CPNE4: variants seen among roughly 807,000 people sequenced by gnomAD.
CPNE4 encodes the protein copine-4.
Under a neutral mutation model 67.9 loss-of-function variants are expected in CPNE4, and 25 were observed. The observed-to-expected ratio is 0.37, with a 90% CI of 0.27 to 0.51. The LOEUF (loss-of-function observed/expected upper bound fraction) is 0.51, where lower values mean the gene tolerates loss of function less well. Ranked by LOEUF, CPNE4 falls within the 20% of genes least tolerant of loss-of-function variation. The probability of loss-of-function intolerance (pLI) is 0.93; values close to 1 mark genes in which losing one functional copy is unlikely to be tolerated. For missense variants in CPNE4, 464 were observed against 690.8 expected (o/e 0.67, Z 3.68); for synonymous variants, 242 against 244.9 (o/e 0.99, Z 0.11).
chr3:131,817,520 G>T (rs1231154176), intron 2 of CPNE4, among the ~76,000 whole-genome samples: 2 of 152,216 alleles, frequency 1.3e-5, no homozygotes, highest in Non-Finnish European at 1.5e-5. Context: ...GACAGCCATT[G>T]GAGGGCTTTG....
At chr3:131,852,093 G>A (rs1342880830) in intron 2 of CPNE4, among the ~76,000 whole-genome samples, 2 of 151,938 alleles carry the variant, frequency 1.3e-5, no homozygotes, top group African/African-American at 2.4e-5. Context: ...GAGAACAAAT[G>A]CATATACATT....
At chr3:131,908,680 G>A (rs1323871570) in intron 1 of CPNE4, among the ~76,000 whole-genome samples, 1 of 151,960 alleles carries the variant, frequency 6.6e-6, no homozygotes, top group Non-Finnish European at 1.5e-5. Flanking sequence ...CATACATATT[G>A]TACATAAAAT....
At chr3:131,904,470 C>T (rs748859592) in intron 2 of CPNE4, among the ~76,000 whole-genome samples, 6 of 152,090 alleles carry the variant, frequency 3.9e-5, no homozygotes, top group Admixed American at 6.5e-5. Context: ...TGGGTTCCCA[C>T]GTGGCTCTCT....
intron 2 of CPNE4, among the ~76,000 whole-genome samples, chr3:131,845,541 C>G (rs1228701655): frequency 6.6e-6 from 1 of 152,142 alleles, no homozygotes; most frequent in Non-Finnish European, 1.5e-5. Context: ...CCTTAATCTA[C>G]TTAACTTCAT....
chr3:131,793,406 C>T (rs2083833430), intron 2 of CPNE4, among the ~76,000 whole-genome samples: 2 of 152,140 alleles, frequency 1.3e-5, no homozygotes, highest in African/African-American at 4.8e-5. Flanking sequence ...AGCTCTATAT[C>T]AGTTATCTTT....
intron 1 of CPNE4, among the ~76,000 whole-genome samples, chr3:131,926,341 T>C (rs1243597298): frequency 6.6e-6 from 1 of 152,142 alleles, no homozygotes; most frequent in Non-Finnish European, 1.5e-5. Context: ...AATAAACATT[T>C]GTTGATCGAA....
At chr3:131,785,780 G>A (rs2083546133) in intron 2 of CPNE4, among the ~76,000 whole-genome samples, 1 of 151,784 alleles carries the variant, frequency 6.6e-6, no homozygotes, top group Non-Finnish European at 1.5e-5. Flanking sequence ...GTGAGTCTGG[G>A]TGCTCAGGGT....
chr3:131,860,439 G>C (rs548326449), intron 2 of CPNE4, among the ~76,000 whole-genome samples: 1 of 152,308 alleles, frequency 6.6e-6, no homozygotes, highest in Non-Finnish European at 1.5e-5. Context: ...GCAGGATCTG[G>C]AATGGGAAAT....
intron 2 of CPNE4, among the ~76,000 whole-genome samples, chr3:131,736,674 G>T (rs1210929931): frequency 6.6e-6 from 1 of 151,886 alleles, no homozygotes; most frequent in Non-Finnish European, 1.5e-5. Context: ...AAAGCATGGT[G>T]GGGTGGACAC....
chr3:131,606,947 A>G (rs1402799642), intron 7 of CPNE4, among the ~76,000 whole-genome samples: 1 of 151,498 alleles, frequency 6.6e-6, no homozygotes, highest in Non-Finnish European at 1.5e-5. Flanking sequence ...TTTCTGGCCA[A>G]TCTTTCCCTC....
chr3:131,970,278 A>G (rs142402107), intron 1 of CPNE4, among the ~76,000 whole-genome samples: 9 of 152,258 alleles, frequency 5.9e-5, no homozygotes, highest in African/African-American at 2.2e-4. Context: ...ACAGATACCA[A>G]CCTAACTTTG....
intron 1 of CPNE4, among the ~76,000 whole-genome samples, chr3:131,917,700 C>T (rs558957160): frequency 3.2e-4 from 49 of 152,250 alleles, no homozygotes; most frequent in Middle Eastern, 3.4e-3. Context: ...AAAAGAAAGA[C>T]ACAAGATCTC....
At chr3:131,645,969 T>C (rs7649702) in intron 7 of CPNE4, among the ~76,000 whole-genome samples, 122,378 of 152,164 alleles carry the variant, frequency 0.8, 50,269 homozygotes, top group East Asian at 0.93. Context: ...CATGAAAGGC[T>C]TTGCTTTTCA....
rs991789089 is a variant in CPNE4 at position 131,754,761 on chromosome 3, G to C, written c.181-31136C>G. Among the ~76,000 whole-genome samples the C allele has an allele frequency of 6.6e-5, 10 of 152,024 alleles. No individual in the cohort carries two copies. The South Asian group carries it at 2.1e-3, about 32-fold the overall frequency. On this transcript the variant is annotated intron_variant, in intron 2 of 15. Coordinates refer to ENST00000429747, the MANE Select transcript of CPNE4 (RefSeq NM_130808.3). ...AGCTATGGGTCATGGCTCCAAACTG[G>C]GTAAACCAAGGCACCCCTGGGCACC...
chr3:131,812,036 T>C (rs1028856575), intron 2 of CPNE4, among the ~76,000 whole-genome samples: 1 of 152,098 alleles, frequency 6.6e-6, no homozygotes, highest in Non-Finnish European at 1.5e-5. Flanking sequence ...TGGAAATCAA[T>C]AGTCCTCACT....
chr3:131,726,250 G>A (rs1048532152), intron 2 of CPNE4, among the ~76,000 whole-genome samples: 1 of 152,198 alleles, frequency 6.6e-6, no homozygotes. Context: ...CTAACTTCTT[G>A]ATTTTCCAGT....
intron 2 of CPNE4, among the ~76,000 whole-genome samples, chr3:131,781,213 T>G (rs16837842): frequency 2.0e-5 from 3 of 151,814 alleles, no homozygotes; most frequent in Non-Finnish European, 4.4e-5. Flanking sequence ...AGTTTCTGAG[T>G]GAGCAGCGAA....
chr3:131,961,779 G>T, intron 1 of CPNE4, among the ~76,000 whole-genome samples: 1 of 152,270 alleles, frequency 6.6e-6, no homozygotes, highest in East Asian at 1.9e-4. Context: ...ACTAGCAGGT[G>T]AAAGGGTAGA....
At chr3:131,920,010 CA>C (rs2070697520) in intron 1 of CPNE4, among the ~76,000 whole-genome samples, 1 of 152,156 alleles carries the variant, frequency 6.6e-6, no homozygotes, top group South Asian at 2.1e-4. Flanking sequence ...TTCCTCATTG[CA>C]GTCAGCAGGT....
Sources: allele counts gnomAD v4.1 joint callset (sites outside exome capture counted in the v4.1 genomes callset), GRCh38; gene constraint gnomAD v4.1.1; transcripts MANE v1.5; gene names NCBI Gene and HGNC (gene_info 2026-07-23, HGNC 2026-07-21).